Variants in TELO2 observed in about 807,000 individuals in gnomAD.
The protein encoded by TELO2 is telomere length regulation protein TEL2 homolog.
A neutral mutation model predicts 91.0 loss-of-function variants in TELO2; 71 were observed. The ratio of observed to expected loss-of-function variants is 0.78; its 90% confidence interval spans 0.64 to 0.95. The LOEUF (loss-of-function observed/expected upper bound fraction) is 0.95. TELO2 is among the 40% of genes least tolerant of loss of function. TELO2 has a pLI of 0.00. For synonymous variants in TELO2, 584 were observed against 518.9 expected, an observed-to-expected ratio of 1.13 and a Z score of -1.71; for missense variants, 1,183 against 1,141.3, an observed-to-expected ratio of 1.04 and a Z score of -0.53.
chr16:1,498,149 G>C (rs1267791456), intron 5 of TELO2, among the ~76,000 whole-genome samples: 1 of 152,020 alleles, frequency 6.6e-6, no homozygotes, highest in Non-Finnish European at 1.5e-5. Context: ...TGAGTAGCTA[G>C]GACTACAGGC....
Position 1,500,138 on chromosome 16 carries a change from A to G in TELO2, c.976A>G (p.Ser326Gly), listed in dbSNP as rs748821587. ...CCTGCTGGGCCATCTGGCCATGGAC[A>G]GCCAGCGGCGCCCGCTCCTGCTGCA... ...QSLLGHLAMD[S>G]QRRPLLLQVL... The change falls in exon 7 of 21, where the codon AGC becomes GGC. Residue 326 changes from serine (S) to glycine (G), a missense_variant. Ser to Gly is a moderately conservative substitution (Grantham distance 56, BLOSUM62 0). Transcript: ENST00000262319. The G allele has an allele frequency of 1.2e-6, 2 of 1,607,904 alleles. No homozygotes were observed. Among genetic ancestry groups the G allele is most frequent in the Middle Eastern group, 1.9e-4 (1 of 5,242 alleles).
intron 17 of TELO2, chr16:1,506,636 C>A (rs2039902761): frequency 2.2e-6 from 3 of 1,380,716 alleles, no homozygotes; most frequent in Admixed American, 6.1e-5. Context: ...CCTGCCTCAG[C>A]CGGCGCTGCA....
intron 14 of TELO2, 49 bp from the exon 15 acceptor site, chr16:1,502,882 G>A: frequency 6.2e-7 from 1 of 1,606,138 alleles, no homozygotes; most frequent in Non-Finnish European, 8.5e-7. Context: ...GGTCGCCCCG[G>A]GTGGCCCTCA....
intron 11 of TELO2, 115 bp from the exon 12 acceptor site, chr16:1,501,932 G>T (rs1472364364): frequency 2.0e-6 from 3 of 1,498,610 alleles, no homozygotes; most frequent in South Asian, 1.1e-5. Context: ...CACCGTAGGC[G>T]CAGGGGCCGA....
rs753247033 is a variant in TELO2, at chr16:1,505,393, G to A, written c.1843-17G>A. On this transcript the variant is annotated splice_polypyrimidine_tract_variant and intron_variant, in intron 15 of 20. Transcript: ENST00000262319. The surrounding 1 kb of genome is among the most constrained non-coding windows in gnomAD (Gnocchi z 4.3). Reference sequence around the variant, plus strand: ...CCCTGGAGCAGTGGCGACGGCCCTGGGCCTGTCTCCCTCCAGGTGCTGACT... The same window carrying A: ...CCCTGGAGCAGTGGCGACGGCCCTGAGCCTGTCTCCCTCCAGGTGCTGACT... The A allele has an allele frequency of 6.2e-7, 1 of 1,602,850 alleles. No individual in the cohort carries two copies. Among genetic ancestry groups the A allele is most frequent in the South Asian group, 1.1e-5 (1 of 90,876 alleles).
rs1194222902 is a variant in TELO2 at position 1,500,192 on chromosome 16, G to T, written c.1002+28G>T. 6 of 1,584,356 alleles carry T rather than the reference G, an allele frequency of 3.8e-6. No homozygotes were observed. The South Asian group carries it at 6.8e-5, about 18-fold the overall frequency. ...ACGTGCCTCCTGGCTCTCCGTCCCT[G>T]CGAGGCCCTGGGAGAAGAGCCGTGC... On this transcript the variant is annotated intron_variant, in intron 7 of 20. Transcript: ENST00000262319.
At position 1,505,181 on chromosome 16, in the gene TELO2, C is replaced by T. The variant is rs1427674905; in HGVS notation, c.1843-229C>T. On this transcript the variant is annotated intron_variant, in intron 15 of 20. Coordinates refer to ENST00000262319, the MANE Select transcript of TELO2 (RefSeq NM_016111.4). This position sits in a 1 kb window ranked among gnomAD's most constrained non-coding sequence, Gnocchi z 4.3. ...GGATGAGGCTGCGCTCGGCCCTGGG[C>T]GTGTTCTCATCTCCTGGAGCACGGT... The T allele has an allele frequency of 7.2e-6, 4 of 559,066 alleles. No homozygotes were observed. The highest frequency in any genetic ancestry group is 2.9e-5 in the East Asian group (1 of 34,444). 34.6% of individuals were successfully genotyped at this position (559,066 alleles called of 1,614,324 possible). A position where few individuals can be genotyped will look rare whatever the true frequency, so the allele number is the denominator to read the frequency against.
At position 1,502,465 on chromosome 16, in the gene TELO2, G is replaced by A. The variant is rs1286043924; in HGVS notation, c.1653+61G>A. 9 of 1,543,416 alleles carry A rather than the reference G, an allele frequency of 5.8e-6. No individual in the cohort carries two copies. The South Asian group carries it at 9.4e-5, about 16-fold the overall frequency. Reference sequence around the variant, plus strand: ...GATGGTAGCTCCCTCAATGCCATCTGTGTCCTGGCCACTGAGGGTGACATA... The same window carrying A: ...GATGGTAGCTCCCTCAATGCCATCTATGTCCTGGCCACTGAGGGTGACATA... On this transcript the variant is annotated intron_variant, in intron 13 of 20. Transcript: ENST00000262319.
At position 1,494,170 on chromosome 16, in the gene TELO2, G is replaced by T. The variant is rs112319385; in HGVS notation, c.-36-76G>T. 5 of 1,022,806 alleles carry T rather than the reference G, an allele frequency of 4.9e-6. No homozygotes were observed. The highest frequency in any genetic ancestry group is 3.2e-5 in the African/African-American group (2 of 62,820). The allele number at this position is 1,022,806 out of a possible 1,614,324, so 63.4% of individuals were successfully genotyped here. A position where few individuals can be genotyped will look rare whatever the true frequency, so the allele number is the denominator to read the frequency against. ...GGGTTGAGGGGTGTGGGGTCTCGGG[G>T]CGCTCACCGAGGGGCTTCCTGAGCT... On this transcript the variant is annotated intron_variant, in intron 1 of 20. Transcript: ENST00000262319. This position sits in a 1 kb window ranked among gnomAD's most constrained non-coding sequence, Gnocchi z 5.6.
rs117769915 is a variant in TELO2 at position 1,509,352 on chromosome 16, C to T, written c.2408-478C>T. Among the ~76,000 whole-genome samples the T allele has an allele frequency of 4.9e-4, 74 of 152,336 alleles. No homozygotes were observed. The East Asian group carries it at 0.011, about 23-fold the overall frequency. On this transcript the variant is annotated intron_variant, in intron 20 of 20. Transcript: ENST00000262319. ...CCAGCAGAGCCCCCCCAAGGCTCCC[C>T]GGGGCCCCAGGCTGCAGGAGGCCTT...
rs1269938212 is a variant in TELO2 at position 1,497,139 on chromosome 16, C to T, written c.682+35C>T. On this transcript the variant is annotated intron_variant, in intron 4 of 20. Coordinates refer to ENST00000262319, the MANE Select transcript of TELO2 (RefSeq NM_016111.4). This position sits in a 1 kb window ranked among gnomAD's most constrained non-coding sequence, Gnocchi z 4.0. ...GCAGTGCCTTCCTGCCCATCCTGCC[C>T]CGACCCTCACAGCCCATCAGCCTTC... 1.9e-6 allele frequency: 3 copies of T among 1,611,972 alleles called. No individual in the cohort carries two copies. Among genetic ancestry groups the T allele is most frequent in the Middle Eastern group, 1.7e-4 (1 of 5,960 alleles).
In TELO2 at chr16:1,509,709, G is replaced by A. The variant is rs1003909146; in HGVS notation, c.2408-121G>A. ...GAGAGTCCGGGGTCACTGCAGACCC[G>A]AGCCCCCTTTCTTCCATGGAGTCAG... On this transcript the variant is annotated intron_variant, in intron 20 of 20. Coordinates refer to ENST00000262319, the MANE Select transcript of TELO2 (RefSeq NM_016111.4). The A allele has an allele frequency of 2.0e-5, 18 of 880,262 alleles. No individual in the cohort carries two copies. In the Admixed American group the frequency reaches 2.8e-4, roughly 14 times the overall value. The allele number at this position is 880,262 out of a possible 1,614,324, so 54.5% of individuals were successfully genotyped here.
chr16:1,501,566 G>C, intron 10 of TELO2, 67 bp downstream of exon 10: 1 of 1,566,990 alleles, frequency 6.4e-7, no homozygotes, highest in Non-Finnish European at 8.7e-7. Context: ...CCGCTGCCGG[G>C]ATGGGAGGGG....
rs1327436040 is a variant in TELO2 at position 1,502,972 on chromosome 16, C to T, written c.1812C>T (p.Tyr604=). 3.1e-6 allele frequency: 5 copies of T among 1,611,164 alleles called. No individual in the cohort carries two copies. In the East Asian group the frequency reaches 6.7e-5, roughly 22 times the overall value. ...YLTSQFYALN[Y]SLRQRMDILD... ...CCTCACAGTTCTATGCCCTCAACTA[C>T]AGCCTCCGGCAGCGCATGGACATCC... Residue 604 remains tyrosine (Y), a synonymous_variant, in exon 15 of 21, where the codon TAC becomes TAT. Transcript: ENST00000262319.
intron 13 of TELO2, 107 bp downstream of exon 13, chr16:1,502,511 G>A: frequency 2.0e-6 from 3 of 1,499,412 alleles, no homozygotes; most frequent in East Asian, 4.5e-5. Flanking sequence ...GTGTGACAGG[G>A]CTGCTGCCTC....
In TELO2 at chr16:1,493,790, G is replaced by C. The variant is rs960726026; in HGVS notation, c.-37+185G>C. Among the ~76,000 whole-genome samples the C allele has an allele frequency of 2.0e-5, 3 of 152,230 alleles. No individual in the cohort carries two copies. The highest frequency in any genetic ancestry group is 4.4e-5 in the Non-Finnish European group (3 of 68,042). On this transcript the variant is annotated intron_variant, in intron 1 of 20. Transcript: ENST00000262319. The surrounding 1 kb of genome is among the most constrained non-coding windows in gnomAD (Gnocchi z 4.3). ...CTCTAGCCCCGAACCCGTGTTCCCC[G>C]TAAGCTGTTGGTTTCTAAGGGGCGG...
intron 17 of TELO2, chr16:1,506,726 G>T: frequency 1.4e-6 from 2 of 1,393,616 alleles, no homozygotes; most frequent in Non-Finnish European, 1.9e-6. Context: ...CAGGGGTGGG[G>T]GTCTCGGCGT....
Position 1,501,669 on chromosome 16 carries a change from C to A in TELO2, c.1368C>A (p.Ser456=). ...AGDGASEAGT[S]LVPATAEPPA... Reference sequence around the variant, plus strand: ...GTTCCTTGTTTCCTTAAAGCACGTCCCTCGTTCCAGCCACGGCAGAGCCCC... The same window carrying A: ...GTTCCTTGTTTCCTTAAAGCACGTCACTCGTTCCAGCCACGGCAGAGCCCC... Residue 456 remains serine (S), a synonymous_variant, in exon 11 of 21, where the codon TCC becomes TCA. Coordinates refer to ENST00000262319, the MANE Select transcript of TELO2 (RefSeq NM_016111.4). 1.2e-6 allele frequency: 2 copies of A among 1,608,092 alleles called. No individual in the cohort carries two copies. Among genetic ancestry groups the A allele is most frequent in the Non-Finnish European group, 1.7e-6 (2 of 1,177,630 alleles).
rs1357377735 is a variant in TELO2 at position 1,497,592 on chromosome 16, C to T, written c.830+84C>T. 1 of 1,463,000 alleles carries T rather than the reference C, an allele frequency of 6.8e-7. No homozygotes were observed. The highest frequency in any genetic ancestry group is 2.3e-5 in the Admixed American group (1 of 42,970). 90.6% of individuals were successfully genotyped at this position (1,463,000 alleles called of 1,614,324 possible). ...CTGCCATTCCTTCACGCTACTTCTCCTGGGCGCCGTGCTGCAGCTGGCACC... is the reference window on the plus strand; with the variant it reads ...CTGCCATTCCTTCACGCTACTTCTCTTGGGCGCCGTGCTGCAGCTGGCACC... On this transcript the variant is annotated intron_variant, in intron 5 of 20. Coordinates refer to ENST00000262319, the MANE Select transcript of TELO2 (RefSeq NM_016111.4). The surrounding 1 kb of genome is among the most constrained non-coding windows in gnomAD (Gnocchi z 4.0).
Sources: allele counts gnomAD v4.1 joint callset (sites outside exome capture counted in the v4.1 genomes callset), GRCh38; gene constraint gnomAD v4.1.1; non-coding constraint Gnocchi (gnomAD v3.1); transcripts MANE v1.5; gene names NCBI Gene and HGNC (gene_info 2026-07-23, HGNC 2026-07-21).